Variants in TIAM2 observed in about 807,000 individuals in gnomAD.
The protein encoded by TIAM2 is rho guanine nucleotide exchange factor TIAM2.
In TIAM2, 80 loss-of-function variants were observed where a neutral mutation model predicts 152.9. That is an observed-to-expected ratio of 0.52 (90% CI 0.44 to 0.63). The LOEUF (loss-of-function observed/expected upper bound fraction) is 0.63. Among genes scored for constraint, TIAM2 ranks in the 30% least tolerant of loss-of-function variants. TIAM2 has a pLI of 0.00. For synonymous variants in TIAM2, 804 were observed against 838.0 expected (o/e 0.96, Z 0.70); for missense variants, 1,965 against 2,120.1 (o/e 0.93, Z 1.44).
At chr6:155,136,488 G>A (rs1305866375) in intron 4 of TIAM2, among the ~76,000 whole-genome samples, 1 of 151,910 alleles carries the variant, frequency 6.6e-6, no homozygotes, top group East Asian at 2.0e-4. Context: ...TGGCCAGGCT[G>A]GTTTTGAACT....
chr6:155,128,556 T>C (rs1409265662), intron 3 of TIAM2, among the ~76,000 whole-genome samples: 1 of 152,114 alleles, frequency 6.6e-6, no homozygotes, highest in Non-Finnish European at 1.5e-5. Context: ...CCCTAATTTT[T>C]CTCTTCAAGA....
In TIAM2 at chr6:154,995,742, TC is replaced by T. The variant is rs576148046; in HGVS notation, c.-209+252del. ...GCCTGGCACGGGGGACGAAGCACTTTCCAGAAGGCTCTGAAACTAGGTCCCC... is the reference window on the plus strand; with the variant it reads ...GCCTGGCACGGGGGACGAAGCACTTTCAGAAGGCTCTGAAACTAGGTCCCC... On this transcript the variant is annotated intron_variant, in intron 1 of 26. Coordinates refer to ENST00000682666, the MANE Select transcript of TIAM2 (RefSeq NM_012454.4). This position sits in a 1 kb window ranked among gnomAD's most constrained non-coding sequence, Gnocchi z 5.2. 6.6e-6 allele frequency among the ~76,000 whole-genome samples: 1 copy of T among 152,194 alleles called. No homozygotes were observed. Among genetic ancestry groups the T allele is most frequent in the East Asian group, 1.9e-4 (1 of 5,146 alleles).
chr6:155,165,329 A>T lies in TIAM2; in HGVS notation c.2281A>T (p.Lys761Ter). ...GTCACTGACCCAGCGAGGGAGAAAC[A>T]AGAAGGGAATATTTTCTTCGTTAAA... Reference protein sequence around the residue: ...TLSLTQRGRNKKGIFSSLKGL... With the variant: ...TLSLTQRGRN Residue 761 changes from lysine (K) to a stop codon, truncating the protein, a stop_gained, in exon 9 of 27, where the codon AAG (lysine) becomes TAG (stop). Coordinates refer to ENST00000682666, the MANE Select transcript of TIAM2 (RefSeq NM_012454.4). LOFTEE classifies it high-confidence loss of function. The T allele has an allele frequency of 6.2e-7, 1 of 1,614,140 alleles. No homozygotes were observed. Among genetic ancestry groups the T allele is most frequent in the Non-Finnish European group, 8.5e-7 (1 of 1,180,012 alleles).
intron 2 of TIAM2, among the ~76,000 whole-genome samples, chr6:155,099,966 G>T (rs1170231798): frequency 6.6e-6 from 1 of 152,212 alleles, no homozygotes; most frequent in African/African-American, 2.4e-5. Context: ...AAGTATTTGT[G>T]TATCTAAACA....
intron 14 of TIAM2, among the ~76,000 whole-genome samples, chr6:155,197,409 A>C (rs1781371837): frequency 6.6e-6 from 1 of 152,206 alleles, no homozygotes; most frequent in Admixed American, 6.5e-5. Flanking sequence ...TGATTGAGGA[A>C]AAATGGGGGC....
intron 7 of TIAM2, among the ~76,000 whole-genome samples, chr6:155,161,950 T>C (rs1780284164): frequency 6.6e-6 from 1 of 152,040 alleles, no homozygotes; most frequent in African/African-American, 2.4e-5. Context: ...CTCATTCATT[T>C]TCTTTTTCTT....
rs1407186543 is a variant in TIAM2, at chr6:155,186,338, C to G, written c.3064+2838C>G. Among the ~76,000 whole-genome samples the G allele has an allele frequency of 6.6e-6, 1 of 152,170 alleles. No homozygotes were observed. Among genetic ancestry groups the G allele is most frequent in the African/African-American group, 2.4e-5 (1 of 41,436 alleles). On this transcript the variant is annotated intron_variant, in intron 14 of 26. Transcript: ENST00000682666. This position sits in a 1 kb window ranked among gnomAD's most constrained non-coding sequence, Gnocchi z 4.5. ...GTTCTGAGGTGCAGTCTACACAGCT[C>G]TGCAGATGGGCCCTGGAATGAGCCC...
intron 14 of TIAM2, among the ~76,000 whole-genome samples, chr6:155,196,059 G>A (rs1482002398): frequency 6.6e-6 from 1 of 152,216 alleles, no homozygotes; most frequent in Non-Finnish European, 1.5e-5. Flanking sequence ...ATCACTGAGT[G>A]TTGCTGAAAA....
intron 7 of TIAM2, among the ~76,000 whole-genome samples, chr6:155,153,026 G>A (rs1780011575): frequency 6.6e-6 from 1 of 152,166 alleles, no homozygotes; most frequent in Non-Finnish European, 1.5e-5. Context: ...GGATGGTCAG[G>A]TGGCCTGAAG....
intron 2 of TIAM2, among the ~76,000 whole-genome samples, chr6:155,120,631 G>A (rs1252996241): frequency 6.6e-6 from 1 of 152,174 alleles, no homozygotes; most frequent in Non-Finnish European, 1.5e-5. Context: ...CATTTGTCCT[G>A]AGTTTTAATA....
chr6:155,222,325 T>C (rs1014949382), intron 15 of TIAM2, among the ~76,000 whole-genome samples: 1 of 560 alleles, frequency 1.8e-3, no homozygotes, highest in Non-Finnish European at 4.3e-3. Context: ...ATGGGTTGGG[T>C]GGGCGTGGCT....
chr6:155,220,063 C>T (rs796115860), intron 15 of TIAM2, among the ~76,000 whole-genome samples: 21 of 152,268 alleles, frequency 1.4e-4, no homozygotes, highest in African/African-American at 4.6e-4. Context: ...TGGCCCTTCC[C>T]GTCAGCTGGG....
At chr6:155,229,953 C>T (rs2115265412) in intron 15 of TIAM2, among the ~76,000 whole-genome samples, 1 of 152,094 alleles carries the variant, frequency 6.6e-6, no homozygotes, top group African/African-American at 2.4e-5. Context: ...TGGGAGAAAC[C>T]CACCCCCATG....
At position 155,256,860 on chromosome 6, in the gene TIAM2, G is replaced by A. The variant is rs200280999; in HGVS notation, c.4845G>A (p.Ser1615=). 7.4e-6 allele frequency: 12 copies of A among 1,614,080 alleles called. No homozygotes were observed. Among genetic ancestry groups the A allele is most frequent in the East Asian group, 6.7e-5 (3 of 44,900 alleles). Residue 1615 remains serine (S), a synonymous_variant, in exon 27 of 27, where the codon TCG becomes TCA. Transcript: ENST00000682666. ...CTGAGCAGCAGCCTGGCCCGGAGTCGGGTGAGGGTCAGAAAGGAGGAGAGC... is the reference window on the plus strand; with the variant it reads ...CTGAGCAGCAGCCTGGCCCGGAGTCAGGTGAGGGTCAGAAAGGAGGAGAGC... ...PEAEQQPGPE[S]GEGQKGGEQP...
intron 1 of TIAM2, among the ~76,000 whole-genome samples, chr6:155,076,091 T>A (rs1889488): frequency 2.6e-5 from 4 of 152,008 alleles, no homozygotes; most frequent in African/African-American, 9.7e-5. Flanking sequence ...ACCTGTCTCA[T>A]GAGGTCAGGT....
chr6:155,111,322 C>CAT (rs1192369245), intron 2 of TIAM2, among the ~76,000 whole-genome samples: 53 of 151,856 alleles, frequency 3.5e-4, no homozygotes, highest in Admixed American at 2.2e-3. Context: ...CACACACACA[C>CAT]ACACACACAC....
chr6:155,223,527 C>CTTTTTTTTTTTTTT (rs11385281), intron 15 of TIAM2, among the ~76,000 whole-genome samples: 6 of 130,872 alleles, frequency 4.6e-5, no homozygotes, highest in Admixed American at 7.7e-5. Context: ...ATTTTTTTTT[C>CTTTTTTTTTTTTTT]TTTTTTTTTT....
intron 1 of TIAM2, among the ~76,000 whole-genome samples, chr6:155,012,561 A>AT (rs1201909086): frequency 2.0e-5 from 3 of 152,028 alleles, no homozygotes; most frequent in African/African-American, 7.2e-5. Context: ...ATTTTATTTT[A>AT]TTTTTTTGAG....
intron 6 of TIAM2, 152 bp from the exon 7 acceptor site, chr6:155,147,958 G>T: frequency 1.4e-6 from 1 of 723,308 alleles, no homozygotes; most frequent in South Asian, 1.7e-5. Context: ...CTGAACCTGA[G>T]TTGAATGGTT....
Sources: gnomAD v4.1 joint callset for allele counts (sites outside exome capture counted in the v4.1 genomes callset) on GRCh38, gnomAD v4.1.1 for gene constraint, Gnocchi (gnomAD v3.1) non-coding constraint, MANE v1.5 for transcripts, NCBI Gene and HGNC (gene_info 2026-07-23, HGNC 2026-07-21) for gene names.